Variants in IL1RL2 observed in about 807,000 individuals in gnomAD.
IL1RL2 encodes the protein interleukin-1 receptor-like 2.
IL1RL2 carries 68 observed loss-of-function variants against 66.8 expected under a neutral mutation model. The ratio of observed to expected loss-of-function variants is 1.02; its 90% CI spans 0.84 to 1.25. The LOEUF is 1.25. Among genes scored for constraint, IL1RL2 ranks in the 50% most tolerant of loss-of-function variants. The pLI, the probability that IL1RL2 is intolerant of heterozygous loss-of-function variation, is 0.00. For missense variants in IL1RL2, 729 were observed against 709.3 expected (o/e 1.03, Z -0.32); for synonymous variants, 305 against 264.6 (o/e 1.15, Z -1.48).
intron 11 of IL1RL2, chr2:102,235,503 C>A: frequency 1.0e-6 from 1 of 985,452 alleles, no homozygotes; most frequent in Non-Finnish European, 1.2e-6. Flanking sequence ...CCTCTTTAGC[C>A]TATGGGCTTA....
chr2:102,235,323 G>T, intron 11 of IL1RL2, 46 bp downstream of exon 11: 2 of 1,580,818 alleles, frequency 1.3e-6, no homozygotes, highest in Non-Finnish European at 8.6e-7. Flanking sequence ...CTGATGGAGG[G>T]TCTATCATTG....
downstream of IL1RL2, among the ~76,000 whole-genome samples, chr2:102,241,193 A>G (rs1675222275): frequency 6.6e-6 from 1 of 152,152 alleles, no homozygotes. Flanking sequence ...GGCTGCTGAG[A>G]AGGTGGAGAT....
At chr2:102,224,841 AT>A (rs910483245) in intron 8 of IL1RL2, among the ~76,000 whole-genome samples, 1 of 152,160 alleles carries the variant, frequency 6.6e-6, no homozygotes, top group Non-Finnish European at 1.5e-5. Flanking sequence ...CACATACCCT[AT>A]AAATATGTGC....
chr2:102,228,952 G>C (rs1041107034), intron 9 of IL1RL2, among the ~76,000 whole-genome samples: 1 of 151,910 alleles, frequency 6.6e-6, no homozygotes, highest in Non-Finnish European at 1.5e-5. Flanking sequence ...ACTTTCCCAT[G>C]GTAAATGTCA....
chr2:102,235,635 C>T (rs1479820793), intron 11 of IL1RL2: 4 of 985,274 alleles, frequency 4.1e-6, no homozygotes, highest in African/African-American at 1.7e-5. Context: ...TGATGTGGCA[C>T]CCATAGAGTC....
chr2:102,201,114 A>G (rs1688216095), intron 4 of IL1RL2, among the ~76,000 whole-genome samples: 2 of 151,994 alleles, frequency 1.3e-5, no homozygotes, highest in Non-Finnish European at 2.9e-5. Context: ...ACTGGCAGAC[A>G]TGGGCCCCTG....
intron 8 of IL1RL2, among the ~76,000 whole-genome samples, chr2:102,221,552 T>A (rs1690133603): frequency 6.6e-6 from 1 of 152,220 alleles, no homozygotes; most frequent in African/African-American, 2.4e-5. Context: ...GGTCATTTTA[T>A]GCCTTCCCTT....
chr2:102,189,078 G>T lies in IL1RL2; in HGVS notation c.61G>T (p.Gly21Ter). The change falls in exon 3 of 12, where the codon GGA becomes TGA. Residue 21 changes from glycine to a stop codon, truncating the protein, a stop_gained and splice_region_variant. Transcript: ENST00000264257. LOFTEE classifies it high-confidence loss of function. ...TTGTTTTGTTTTTCTTTCCCTAGAT[G>T]GATGCAAGGACATTTTTATGAAAAA... ...IALPLSVTADGCKDIFMKNEI... is the reference protein window; with the variant it reads ...IALPLSVTAD 1 of 1,610,332 alleles carries T rather than the reference G, an allele frequency of 6.2e-7. No homozygotes were observed. The highest frequency in any genetic ancestry group is 1.1e-5 in the South Asian group (1 of 90,864).
intron 5 of IL1RL2, among the ~76,000 whole-genome samples, chr2:102,205,039 G>A (rs913413713): frequency 1.3e-5 from 2 of 151,586 alleles, no homozygotes; most frequent in African/African-American, 4.8e-5. Flanking sequence ...CTGGTTTGAG[G>A]TTTCCATGAG....
chr2:102,237,078 G>T (rs1674947546), intron 11 of IL1RL2, among the ~76,000 whole-genome samples: 1 of 152,104 alleles, frequency 6.6e-6, no homozygotes, highest in Admixed American at 6.5e-5. Flanking sequence ...AATTGCTAGA[G>T]AATCCATTTT....
intron 5 of IL1RL2, among the ~76,000 whole-genome samples, chr2:102,210,492 A>G (rs1309582277): frequency 2.0e-5 from 3 of 152,210 alleles, no homozygotes; most frequent in African/African-American, 7.2e-5. Flanking sequence ...AGGGTGGATC[A>G]GAAGTGCAGG....
At chr2:102,220,064 G>A (rs1180480430) in intron 8 of IL1RL2, 47 bp downstream of exon 8, 2 of 1,510,112 alleles carry the variant, frequency 1.3e-6, no homozygotes, top group Non-Finnish European at 1.8e-6. Flanking sequence ...TCAAAACGAT[G>A]GCCAGGAAAC....
chr2:102,240,169 T>C (rs771608947), downstream of IL1RL2, among the ~76,000 whole-genome samples: 3 of 152,120 alleles, frequency 2.0e-5, no homozygotes, highest in Non-Finnish European at 4.4e-5. Context: ...CACTGAAAAG[T>C]TGGGCAAAAC....
chr2:102,199,423 A>C (rs967722180), intron 4 of IL1RL2, among the ~76,000 whole-genome samples: 2 of 152,162 alleles, frequency 1.3e-5, no homozygotes, highest in African/African-American at 4.8e-5. Context: ...AAGAATTCTC[A>C]AGGCTATTTT....
intron 9 of IL1RL2, among the ~76,000 whole-genome samples, chr2:102,231,297 G>A (rs140529098): frequency 5.0e-4 from 76 of 152,018 alleles, no homozygotes; most frequent in Non-Finnish European, 9.3e-4. Flanking sequence ...AAATCCAGGA[G>A]CTCCAGCCTG....
chr2:102,212,208 A>C (rs781186365), intron 6 of IL1RL2, 34 bp downstream of exon 6: 35 of 1,411,094 alleles, frequency 2.5e-5, no homozygotes, highest in Non-Finnish European at 3.3e-5. Context: ...TGAAATCACC[A>C]GGGGAAGAGC....
At position 102,187,921 on chromosome 2, in the gene IL1RL2, A is replaced by T; in HGVS notation, c.54A>T (p.Thr18=). 1.2e-6 allele frequency: 2 copies of T among 1,613,788 alleles called. No homozygotes were observed. The highest frequency in any genetic ancestry group is 1.7e-6 in the Non-Finnish European group (2 of 1,179,896). The stretch of plus-strand genomic sequence containing the variant: ...CCATCGCCCTTCCACTGTCTGTCAC[A>T]GCAGGTACGTTCCGTGTGTCCTCCG... ...GLSIALPLSV[T]ADGCKDIFMK... is the part of the protein sequence containing the mutation. The change falls in exon 2 of 12, where the codon ACA becomes ACT. Residue 18 remains threonine, a synonymous_variant. Transcript: ENST00000264257.
intron 4 of IL1RL2, among the ~76,000 whole-genome samples, chr2:102,195,622 T>TTTCC (rs1559530211): frequency 0.012 from 191 of 15,962 alleles, 14 homozygotes; most frequent in African/African-American, 0.029. Context: ...TCTTTCTTTC[T>TTTCC]TTCTTTCTCT....
At chr2:102,204,143 G>C (rs929996354) in intron 5 of IL1RL2, among the ~76,000 whole-genome samples, 3 of 152,000 alleles carry the variant, frequency 2.0e-5, no homozygotes, top group Non-Finnish European at 4.4e-5. Context: ...TTGACCCACT[G>C]GTCATTCAGA....
Sources: gnomAD v4.1 joint callset for allele counts (sites outside exome capture counted in the v4.1 genomes callset) on GRCh38, gnomAD v4.1.1 for gene constraint, MANE v1.5 for transcripts, NCBI Gene and HGNC (gene_info 2026-07-23, HGNC 2026-07-21) for gene names.